The following LRRC8B variants were observed in gnomAD, a reference collection of about 807,000 sequenced individuals.
The protein encoded by LRRC8B is volume-regulated anion channel subunit LRRC8B.
A neutral mutation model predicts 58.8 loss-of-function variants in LRRC8B; 23 were observed. The ratio of observed to expected loss-of-function variants is 0.39; its 90% CI spans 0.28 to 0.55. LRRC8B has a LOEUF of 0.55. LRRC8B is among the 20% of genes least tolerant of loss of function. The pLI is 0.62. For synonymous variants in LRRC8B, 359 were observed against 374.1 expected, an observed-to-expected ratio of 0.96 and a Z score of 0.47; for missense variants, 694 against 936.0, an observed-to-expected ratio of 0.74 and a Z score of 3.37.
intron 1 of LRRC8B, chr1:89,558,795 A>C (rs1433833710): frequency 6.6e-6 from 1 of 152,266 alleles, no homozygotes; most frequent in Non-Finnish European, 1.5e-5. Flanking sequence ...GAAAAGCAAC[A>C]GGGACGGAAG....
chr1:89,576,194 C>G (rs1653835523), intron 3 of LRRC8B, among the ~76,000 whole-genome samples: 1 of 152,208 alleles, frequency 6.6e-6, no homozygotes. Flanking sequence ...CAGTGATTCA[C>G]TGTTCTACTG....
intron 5 of LRRC8B, among the ~76,000 whole-genome samples, chr1:89,588,794 A>G (rs1654799772): frequency 6.6e-6 from 1 of 151,940 alleles, no homozygotes; most frequent in Non-Finnish European, 1.5e-5. Flanking sequence ...AGAGACAAAG[A>G]CTCTCATACC....
intron 1 of LRRC8B, among the ~76,000 whole-genome samples, chr1:89,530,228 G>T (rs1408546102): frequency 6.6e-6 from 1 of 151,640 alleles, no homozygotes; most frequent in Non-Finnish European, 1.5e-5. Flanking sequence ...GCATAGTGGT[G>T]GGCGCCTATA....
chr1:89,575,755 A>G (rs1195192758), intron 3 of LRRC8B, among the ~76,000 whole-genome samples: 1 of 152,152 alleles, frequency 6.6e-6, no homozygotes, highest in East Asian at 1.9e-4. Context: ...AAACTATGTA[A>G]GATACTATCA....
chr1:89,558,134 G>A (rs115367124), intron 1 of LRRC8B, among the ~76,000 whole-genome samples: 3,200 of 152,276 alleles, frequency 0.021, 106 homozygotes, highest in African/African-American at 0.073. Context: ...CTAACTGTGA[G>A]GCTGAGTGAG....
At chr1:89,589,560 T>TG (rs1654846108) in intron 5 of LRRC8B, among the ~76,000 whole-genome samples, 1 of 43,056 alleles carries the variant, frequency 2.3e-5, no homozygotes, top group Non-Finnish European at 4.6e-5. Flanking sequence ...CATTTGTGCT[T>TG]TTTTTTTTTT....
At chr1:89,559,475 A>C (rs751979863) in intron 1 of LRRC8B, among the ~76,000 whole-genome samples, 4 of 152,112 alleles carry the variant, frequency 2.6e-5, no homozygotes, top group Middle Eastern at 3.4e-3. Context: ...CTCTACAAAA[A>C]AATTAAAAAA....
intron 1 of LRRC8B, among the ~76,000 whole-genome samples, chr1:89,549,700 A>G (rs12737481): frequency 0.19 from 28,954 of 152,170 alleles, 3,478 homozygotes; most frequent in Admixed American, 0.31. Flanking sequence ...CATCTTCATA[A>G]AAAACTAAAT....
intron 3 of LRRC8B, among the ~76,000 whole-genome samples, chr1:89,579,142 TAAG>T (rs890112827): frequency 1.3e-5 from 2 of 152,026 alleles, no homozygotes; most frequent in Non-Finnish European, 2.9e-5. Context: ...AAAATGCAAA[TAAG>T]AACGACTGTG....
chr1:89,526,085 GT>G (rs1157510260), intron 1 of LRRC8B, among the ~76,000 whole-genome samples: 1 of 152,198 alleles, frequency 6.6e-6, no homozygotes, highest in Non-Finnish European at 1.5e-5. Flanking sequence ...AGATGGTTCT[GT>G]CCCCTAAACC....
intron 1 of LRRC8B, among the ~76,000 whole-genome samples, chr1:89,557,984 C>G (rs1237218956): frequency 1.3e-5 from 2 of 152,092 alleles, no homozygotes; most frequent in Non-Finnish European, 2.9e-5. Context: ...TGCCTAGTAT[C>G]TGTAAGCATA....
At chr1:89,575,550 T>G (rs76073764) in intron 3 of LRRC8B, among the ~76,000 whole-genome samples, 8,587 of 152,272 alleles carry the variant, frequency 0.056, 277 homozygotes, top group African/African-American at 0.085. Flanking sequence ...AACCTTTTCT[T>G]AAGCCATTAA....
At chr1:89,561,054 T>C (rs1652608721) in intron 1 of LRRC8B, among the ~76,000 whole-genome samples, 1 of 150,100 alleles carries the variant, frequency 6.7e-6, no homozygotes, top group Admixed American at 6.6e-5. Context: ...ACCTGTTGTT[T>C]CCTGACTTTT....
chr1:89,567,118 G>A (rs907812751), intron 1 of LRRC8B, among the ~76,000 whole-genome samples: 2 of 152,114 alleles, frequency 1.3e-5, no homozygotes, highest in African/African-American at 4.8e-5. Context: ...CAGCTGGGTC[G>A]GTCAGAATTG....
At chr1:89,531,981 T>C (rs1373312632) in intron 1 of LRRC8B, among the ~76,000 whole-genome samples, 1 of 152,100 alleles carries the variant, frequency 6.6e-6, no homozygotes, top group African/African-American at 2.4e-5. Flanking sequence ...GACTTCCTGC[T>C]TCAGATTTGC....
At chr1:89,591,843 T>C (rs1208687046) in intron 5 of LRRC8B, among the ~76,000 whole-genome samples, 1 of 152,078 alleles carries the variant, frequency 6.6e-6, no homozygotes, top group Non-Finnish European at 1.5e-5. Context: ...TTCATAGTTT[T>C]TGTAGGTGGC....
intron 1 of LRRC8B, among the ~76,000 whole-genome samples, chr1:89,561,237 TG>T (rs1210758047): frequency 6.7e-6 from 1 of 150,278 alleles, no homozygotes; most frequent in African/African-American, 2.4e-5. Context: ...TGGGGTTGTT[TG>T]TTTTTTTCTT....
chr1:89,536,707 G>A (rs80196804), intron 1 of LRRC8B, among the ~76,000 whole-genome samples: 1 of 152,156 alleles, frequency 6.6e-6, no homozygotes, highest in African/African-American at 2.4e-5. Context: ...TCTTGTTGGG[G>A]ATTAGGTAGT....
intron 1 of LRRC8B, among the ~76,000 whole-genome samples, chr1:89,555,694 T>C (rs1426743016): frequency 6.6e-6 from 1 of 152,234 alleles, no homozygotes; most frequent in Admixed American, 6.5e-5. Flanking sequence ...GAAATAACTT[T>C]CTTAGTCATT....
Sources: allele counts gnomAD v4.1 joint callset (sites outside exome capture counted in the v4.1 genomes callset), GRCh38; gene constraint gnomAD v4.1.1; transcripts MANE v1.5; gene names NCBI Gene and HGNC (gene_info 2026-07-23, HGNC 2026-07-21).